Variants in KIF18A observed in about 807,000 individuals in gnomAD.
KIF18A encodes the protein kinesin family member 18A.
Under a neutral mutation model 103.3 loss-of-function variants are expected in KIF18A, and 67 were observed. That is an observed-to-expected ratio of 0.65 (90% CI 0.53 to 0.79). The LOEUF is 0.79. Ranked by LOEUF, KIF18A falls within the 30% of genes least tolerant of loss-of-function variation. The pLI, the probability that KIF18A is intolerant of heterozygous loss-of-function variation, is 0.00. For missense variants in KIF18A, 1,032 were observed against 1,062.5 expected (o/e 0.97, Z 0.40); for synonymous variants, 367 against 355.5 (o/e 1.03, Z -0.36).
chr11:28,077,267 A>G, intron 9 of KIF18A, 98 bp from the exon 10 acceptor site: 4 of 776,002 alleles, frequency 5.2e-6, no homozygotes, highest in South Asian at 1.9e-5. Context: ...AATATATGTA[A>G]TTCACAGAAC....
intron 2 of KIF18A, among the ~76,000 whole-genome samples, chr11:28,096,286 A>C (rs1434686534): frequency 6.6e-6 from 1 of 151,922 alleles, no homozygotes; most frequent in Admixed American, 6.6e-5. Flanking sequence ...TTCTCATATC[A>C]TTATTGGTTG....
chr11:28,082,239 T>C (rs963585835), intron 9 of KIF18A, among the ~76,000 whole-genome samples: 2 of 152,174 alleles, frequency 1.3e-5, no homozygotes, highest in African/African-American at 4.8e-5. Context: ...TTGTCTCAAA[T>C]TTTTAAAGAA....
intron 15 of KIF18A, among the ~76,000 whole-genome samples, chr11:28,031,124 C>T (rs1296227859): frequency 2.6e-5 from 4 of 152,040 alleles, no homozygotes; most frequent in African/African-American, 4.8e-5. Context: ...GACAGTGTGG[C>T]GATTTCTCAA....
Position 28,083,224 on chromosome 11 carries a change from T to C in KIF18A, c.1094A>G (p.Asn365Ser), listed in dbSNP as rs761608079. The change falls in exon 8 of 17, where the codon AAT becomes AGT. Residue 365 changes from asparagine (N) to serine (S), a missense_variant. Physicochemically the swap from Asn to Ser is conservative, Grantham distance 46 (BLOSUM62 1). Transcript: ENST00000263181. ...IKSSLKSNVL[N>S]VNNHITQYVK... Reference sequence around the variant, plus strand: ...ATATTGAGTTATATGATTATTGACATTAAGAACATTGCTCTTCAACTGTTG... The same window carrying C: ...ATATTGAGTTATATGATTATTGACACTAAGAACATTGCTCTTCAACTGTTG... The C allele has an allele frequency of 1.3e-5, 21 of 1,557,328 alleles. No individual in the cohort carries two copies. The highest frequency in any genetic ancestry group is 1.6e-5 in the Non-Finnish European group (19 of 1,162,786).
At chr11:28,104,228 T>G (rs902458875) in intron 1 of KIF18A, among the ~76,000 whole-genome samples, 2 of 152,198 alleles carry the variant, frequency 1.3e-5, no homozygotes, top group African/African-American at 4.8e-5. Context: ...ATGTATTGCA[T>G]GTCATTTACC....
intron 13 of KIF18A, among the ~76,000 whole-genome samples, chr11:28,043,385 T>G (rs1850585583): frequency 6.6e-6 from 1 of 151,936 alleles, no homozygotes; most frequent in African/African-American, 2.4e-5. Context: ...AAAACATAAT[T>G]ATAATAAGCA....
At chr11:28,028,491 A>G (rs1850350342) in intron 15 of KIF18A, among the ~76,000 whole-genome samples, 1 of 152,214 alleles carries the variant, frequency 6.6e-6, no homozygotes, top group Non-Finnish European at 1.5e-5. Flanking sequence ...GAGAACAAAG[A>G]CATGACATAC....
At chr11:28,097,482 T>C (rs1383006340) in intron 2 of KIF18A, 141 bp downstream of exon 2, 1 of 674,674 alleles carries the variant, frequency 1.5e-6, no homozygotes, top group Admixed American at 2.4e-5. Context: ...TATTTACAGT[T>C]CAAGTCTATT....
chr11:28,085,392 T>G (rs1255260096), intron 6 of KIF18A, among the ~76,000 whole-genome samples: 1 of 152,206 alleles, frequency 6.6e-6, no homozygotes, highest in Non-Finnish European at 1.5e-5. Flanking sequence ...TGTGCTTCAA[T>G]GGTCATGCTC....
At chr11:28,094,523 A>T in intron 3 of KIF18A, 120 bp downstream of exon 3, 3 of 816,782 alleles carry the variant, frequency 3.7e-6, no homozygotes, top group Non-Finnish European at 5.7e-6. Context: ...CAAATATTCA[A>T]GACAAGGAAT....
At chr11:28,076,711 A>T (rs1851094552) in intron 10 of KIF18A, 1 of 164,090 alleles carries the variant, frequency 6.1e-6, no homozygotes, top group South Asian at 1.8e-4. Context: ...AGGCGGATGG[A>T]TCACCTGAAG....
intron 16 of KIF18A, among the ~76,000 whole-genome samples, chr11:28,023,260 C>T (rs1207270436): frequency 2.0e-5 from 3 of 152,054 alleles, no homozygotes; most frequent in Non-Finnish European, 4.4e-5. Flanking sequence ...GTATCTTTTC[C>T]AACTTGCCAA....
Position 28,077,075 on chromosome 11 carries a change from T to A in KIF18A, c.1357A>T (p.Lys453Ter). Residue 453 changes from lysine to a stop codon, truncating the protein, a stop_gained, in exon 10 of 17, where the codon AAA becomes TAA. Transcript: ENST00000263181. LOFTEE classifies it high-confidence loss of function. ...TGGCACTGTTGTTGGTAGAATGATTTAAGTTCATTTTCTTTAAGTAACATT... is the reference window on the plus strand; with the variant it reads ...TGGCACTGTTGTTGGTAGAATGATTAAAGTTCATTTTCTTTAAGTAACATT... ...LEMLLKENEL[K>*]SFYQQQCHKQ... 6.3e-7 allele frequency: 1 copy of A among 1,580,216 alleles called. No individual in the cohort carries two copies. The highest frequency in any genetic ancestry group is 8.6e-7 in the Non-Finnish European group (1 of 1,165,624).
intron 2 of KIF18A, 68 bp downstream of exon 2, chr11:28,097,555 G>A: frequency 1.0e-6 from 1 of 995,188 alleles, no homozygotes; most frequent in Non-Finnish European, 1.6e-6. Context: ...GAAGGGTCAA[G>A]TAGATGTCCG....
chr11:28,030,452 T>C (rs113614659), intron 15 of KIF18A, among the ~76,000 whole-genome samples: 1 of 152,016 alleles, frequency 6.6e-6, no homozygotes, highest in Non-Finnish European at 1.5e-5. Context: ...ATTTAATAAA[T>C]GGTGCTGGGA....
intron 3 of KIF18A, among the ~76,000 whole-genome samples, chr11:28,094,055 T>C (rs187205114): frequency 6.6e-6 from 1 of 152,322 alleles, no homozygotes; most frequent in South Asian, 2.1e-4. Context: ...TCACTTTGCT[T>C]GTGTTACTGT....
At chr11:28,091,909 G>T (rs567885407) in intron 3 of KIF18A, among the ~76,000 whole-genome samples, 1 of 152,066 alleles carries the variant, frequency 6.6e-6, no homozygotes. Flanking sequence ...TCCGCCTCCC[G>T]GGTTCTCACC....
intron 9 of KIF18A, among the ~76,000 whole-genome samples, chr11:28,082,591 T>C (rs2133552393): frequency 6.6e-6 from 1 of 152,250 alleles, no homozygotes; most frequent in East Asian, 1.9e-4. Context: ...AACATAATTT[T>C]TATATGCACC....
At position 28,097,774 on chromosome 11, in the gene KIF18A, T is replaced by A. The variant is rs759120038; in HGVS notation, c.174A>T (p.Lys58Asn). Residue 58 changes from lysine (K) to asparagine (N), a missense_variant, in exon 2 of 17, where the codon AAA becomes AAT. Transcript: ENST00000263181. Reference sequence around the variant, plus strand: ...TCTTTATAACATTTTGATTTGTAGTTTTCTTTCCATGGAAAAAACTGACTT... The same window carrying A: ...TCTTTATAACATTTTGATTTGTAGTATTCTTTCCATGGAAAAAACTGACTT... ...QEEVSFFHGK[K>N]TTNQNVIKKQ... 2 of 1,613,142 alleles carry A rather than the reference T, an allele frequency of 1.2e-6. No homozygotes were observed. Among genetic ancestry groups the A allele is most frequent in the Non-Finnish European group, 1.7e-6 (2 of 1,179,356 alleles).
Sources: allele counts gnomAD v4.1 joint callset (sites outside exome capture counted in the v4.1 genomes callset), GRCh38; gene constraint gnomAD v4.1.1; transcripts MANE v1.5; gene names NCBI Gene and HGNC (gene_info 2026-07-23, HGNC 2026-07-21).